SLC35F4: variants seen among roughly 807,000 people sequenced by gnomAD.
SLC35F4 encodes the protein solute carrier family 35 member F4.
Under a neutral mutation model 44.2 loss-of-function variants are expected in SLC35F4, and 24 were observed. The ratio of observed to expected loss-of-function variants is 0.54; its 90% CI spans 0.39 to 0.76. The LOEUF is 0.76. Among genes scored for constraint, SLC35F4 ranks in the 30% least tolerant of loss-of-function variants. SLC35F4 has a pLI of 0.00. For synonymous variants in SLC35F4, 238 were observed against 223.6 expected (o/e 1.06, Z -0.57); for missense variants, 562 against 586.1 (o/e 0.96, Z 0.42).
intron 1 of SLC35F4, among the ~76,000 whole-genome samples, chr14:57,821,566 G>C (rs913806363): frequency 6.6e-6 from 1 of 152,216 alleles, no homozygotes; most frequent in Admixed American, 6.5e-5. Context: ...AAATGTAATA[G>C]GAAAGTTCAC....
intron 1 of SLC35F4, among the ~76,000 whole-genome samples, chr14:57,646,987 C>G (rs370801113): frequency 1.3e-5 from 2 of 152,262 alleles, no homozygotes; most frequent in African/African-American, 2.4e-5. Context: ...GTCTGAGAGA[C>G]AGTTTGTTAT....
At chr14:57,682,987 C>T (rs1259321189) in intron 1 of SLC35F4, among the ~76,000 whole-genome samples, 4 of 152,078 alleles carry the variant, frequency 2.6e-5, no homozygotes, top group Admixed American at 2.0e-4. Flanking sequence ...CAGGTAAGAG[C>T]GGAGTATTAA....
At chr14:57,677,968 G>C (rs937428744) in intron 1 of SLC35F4, among the ~76,000 whole-genome samples, 1 of 151,920 alleles carries the variant, frequency 6.6e-6, no homozygotes, top group Non-Finnish European at 1.5e-5. Flanking sequence ...CATTTGCCTT[G>C]CTAGGTTGGG....
intron 1 of SLC35F4, among the ~76,000 whole-genome samples, chr14:57,817,120 G>C (rs1295806173): frequency 6.6e-6 from 1 of 152,120 alleles, no homozygotes; most frequent in Admixed American, 6.6e-5. Flanking sequence ...TGAAAATGAG[G>C]TACAGATGAC....
rs183856179 is a variant in SLC35F4, at chr14:57,788,245, C to T, written c.103+77478G>A. Among the ~76,000 whole-genome samples the T allele has an allele frequency of 1.7e-3, 261 of 152,252 alleles. 1 individual carries two copies. The highest frequency in any genetic ancestry group is 5.9e-3 in the African/African-American group (244 of 41,560). On this transcript the variant is annotated intron_variant, in intron 1 of 7. Coordinates refer to ENST00000556826, the MANE Select transcript of SLC35F4 (RefSeq NM_001306087.2). ...ATCCTAAACATATGTGCACCTAACA[C>T]TGGAGCTCCCAAATTTATAAAACAA...
intron 1 of SLC35F4, among the ~76,000 whole-genome samples, chr14:57,949,321 T>C (rs1376224980): frequency 6.6e-6 from 1 of 152,202 alleles, no homozygotes; most frequent in African/African-American, 2.4e-5. Flanking sequence ...CTTTAAAGTC[T>C]GTTTTGTCTG....
chr14:57,564,006 G>C lies in SLC35F4; in HGVS notation c.*129C>G. On this transcript the variant is annotated 3_prime_UTR_variant, in exon 8 of 8. Coordinates refer to ENST00000556826, the MANE Select transcript of SLC35F4 (RefSeq NM_001306087.2). ...AAGCATATAAATGTAAACTTTTATT[G>C]TTGGCATTATTTCACATATGATTTA... The C allele has an allele frequency of 1.0e-6, 1 of 996,496 alleles. No individual in the cohort carries two copies. The highest frequency in any genetic ancestry group is 2.9e-5 in the Admixed American group (1 of 34,584). 61.7% of individuals were successfully genotyped at this position (996,496 alleles called of 1,614,324 possible).
chr14:57,593,910 C>A lies in SLC35F4; in HGVS notation c.289+29G>T, dbSNP rs546274182. The A allele has an allele frequency of 2.5e-6, 4 of 1,608,418 alleles. No individual in the cohort carries two copies. In the South Asian group the frequency reaches 3.3e-5, roughly 13 times the overall value. On this transcript the variant is annotated intron_variant, in intron 2 of 7. Coordinates refer to ENST00000556826, the MANE Select transcript of SLC35F4 (RefSeq NM_001306087.2). ...TATTTAGAAGCTTACTAGGATGTACCGTTATTTAAGAGGAGGTCACCCACA... is the reference window on the plus strand; with the variant it reads ...TATTTAGAAGCTTACTAGGATGTACAGTTATTTAAGAGGAGGTCACCCACA...
At position 57,564,303 on chromosome 14, in the gene SLC35F4, C is replaced by A. The variant is rs1319353537; in HGVS notation, c.1290G>T (p.Gly430=). Residue 430 remains glycine (G), a synonymous_variant, in exon 8 of 8, where the codon GGG becomes GGT. Coordinates refer to ENST00000556826, the MANE Select transcript of SLC35F4 (RefSeq NM_001306087.2). Reference sequence around the variant, plus strand: ...CCTCAGGCAACAGCATCAGCAGAAACCCAATGCAGATGATGATGGTAGCAG... The same window carrying A: ...CCTCAGGCAACAGCATCAGCAGAAAACCAATGCAGATGATGATGGTAGCAG... ...RLAATIIICI[G]FLLMLLPEEW... 1 of 1,612,632 alleles carries A rather than the reference C, an allele frequency of 6.2e-7. No homozygotes were observed. The highest frequency in any genetic ancestry group is 1.1e-5 in the South Asian group (1 of 90,658).
rs1884647477 is a variant in SLC35F4, at chr14:57,833,957, C to G, written c.103+31766G>C. Among the ~76,000 whole-genome samples, 2 of 152,082 alleles carry G rather than the reference C, an allele frequency of 1.3e-5. 1 individual carries two copies. The highest frequency in any genetic ancestry group is 4.1e-4 in the South Asian group (2 of 4,820). On this transcript the variant is annotated intron_variant, in intron 1 of 7. Coordinates refer to ENST00000556826, the MANE Select transcript of SLC35F4 (RefSeq NM_001306087.2). ...TTTACCATAGGAATCTTTTTGTTCC[C>G]TCTCTTCACATGTTAAAATAAATCT...
intron 1 of SLC35F4, among the ~76,000 whole-genome samples, chr14:57,746,938 CTA>C (rs2076770575): frequency 6.6e-6 from 1 of 152,138 alleles, no homozygotes; most frequent in African/African-American, 2.4e-5. Flanking sequence ...GTATGGCCAT[CTA>C]CCTGCCATCT....
rs947747370 is a variant in SLC35F4, at chr14:57,801,125, G to A, written c.103+64598C>T. 2.0e-5 allele frequency among the ~76,000 whole-genome samples: 3 copies of A among 152,096 alleles called. No homozygotes were observed. In the South Asian group the frequency reaches 6.2e-4, roughly 32 times the overall value. ...TATTAAGGGCAGCCAGAAAGGCTGG[G>A]CCACCTACAAAGGGAAACCCCCATC... is the stretch of plus-strand genomic sequence containing the variant. On this transcript the variant is annotated intron_variant, in intron 1 of 7. Transcript: ENST00000556826.
intron 1 of SLC35F4, among the ~76,000 whole-genome samples, chr14:57,624,781 A>T (rs1223850141): frequency 1.3e-5 from 2 of 152,166 alleles, no homozygotes; most frequent in African/African-American, 4.8e-5. Context: ...CTCTCAATAA[A>T]CTAGGTATTG....
At chr14:57,842,444 G>A (rs1885579126) in intron 1 of SLC35F4, among the ~76,000 whole-genome samples, 1 of 152,084 alleles carries the variant, frequency 6.6e-6, no homozygotes, top group Non-Finnish European at 1.5e-5. Context: ...TAAGCTATGG[G>A]GTCTTCAATG....
At chr14:57,667,874 G>A (rs1411221088) in intron 1 of SLC35F4, among the ~76,000 whole-genome samples, 1 of 143,106 alleles carries the variant, frequency 7.0e-6, no homozygotes. Context: ...GAGTCAAATG[G>A]TATTTCTAGT....
At chr14:57,796,559 AG>A (rs1194142514) in intron 1 of SLC35F4, among the ~76,000 whole-genome samples, 1 of 152,230 alleles carries the variant, frequency 6.6e-6, no homozygotes, top group Non-Finnish European at 1.5e-5. Context: ...AAATATTAAA[AG>A]TCATAAATAA....
At chr14:57,705,959 G>C (rs929291329) in intron 1 of SLC35F4, among the ~76,000 whole-genome samples, 6 of 152,060 alleles carry the variant, frequency 3.9e-5, no homozygotes, top group African/African-American at 1.4e-4. Flanking sequence ...TACATGCCTA[G>C]TGCTCCACTC....
intron 1 of SLC35F4, among the ~76,000 whole-genome samples, chr14:57,756,890 G>A (rs2077007673): frequency 6.6e-6 from 1 of 151,694 alleles, no homozygotes; most frequent in Admixed American, 6.6e-5. Flanking sequence ...TCGAACTCCT[G>A]AGCCCAAATG....
chr14:57,742,261 TA>T, intron 1 of SLC35F4, among the ~76,000 whole-genome samples: 1 of 152,248 alleles, frequency 6.6e-6, no homozygotes, highest in African/African-American at 2.4e-5. Context: ...ATGCTCCAAT[TA>T]AAAGACACAG....
Sources: gnomAD v4.1 joint callset for allele counts (sites outside exome capture counted in the v4.1 genomes callset) on GRCh38, gnomAD v4.1.1 for gene constraint, MANE v1.5 for transcripts, NCBI Gene and HGNC (gene_info 2026-07-23, HGNC 2026-07-21) for gene names.